The following CSPG4 variants were observed in gnomAD, a reference collection of about 807,000 sequenced individuals.
The protein encoded by CSPG4 is chondroitin sulfate proteoglycan 4.
In CSPG4, 74 loss-of-function variants were observed where a neutral mutation model predicts 139.3. The observed-to-expected ratio is 0.53, with a 90% CI of 0.44 to 0.64. The LOEUF (loss-of-function observed/expected upper bound fraction) is 0.64, where lower values mean the gene tolerates loss of function less well. Among genes scored for constraint, CSPG4 ranks in the 30% least tolerant of loss-of-function variants. The pLI is 0.00. For synonymous variants in CSPG4, 1,234 were observed against 1,394.2 expected, an observed-to-expected ratio of 0.89 and a Z score of 2.56; for missense variants, 2,565 against 3,148.3, an observed-to-expected ratio of 0.81 and a Z score of 4.43.
At chr15:75,682,585 T>G in intron 7 of CSPG4, 22 bp downstream of exon 7, 2 of 1,609,434 alleles carry the variant, frequency 1.2e-6, no homozygotes, top group Admixed American at 1.7e-5. Flanking sequence ...CACCCAGGAA[T>G]GCCCATGATC....
chr15:75,682,627 T>C lies in CSPG4; in HGVS notation c.4763A>G (p.Gln1588Arg), dbSNP rs2141424565. 6.2e-7 allele frequency: 1 copy of C among 1,613,176 alleles called. No individual in the cohort carries two copies. ...KQVLLSLKGSQTLTVCPGSVQ... is the reference protein window; with the variant it reads ...KQVLLSLKGSRTLTVCPGSVQ... Reference sequence around the variant, plus strand: ...CCCACCTGGGCAGACAGTCAGTGTCTGGCTGCCCTTCAGCGAGAGGAGCAC... The same window carrying C: ...CCCACCTGGGCAGACAGTCAGTGTCCGGCTGCCCTTCAGCGAGAGGAGCAC... The change falls in exon 7 of 10, where the codon CAG becomes CGG. Residue 1588 changes from glutamine (Q) to arginine (R), a missense_variant. Coordinates refer to ENST00000308508, the MANE Select transcript of CSPG4 (RefSeq NM_001897.5).
At position 75,687,149 on chromosome 15, in the gene CSPG4, G is replaced by A. The variant is rs1354925996; in HGVS notation, c.3789+127C>T. The A allele has an allele frequency of 5.5e-6, 6 of 1,082,304 alleles. No homozygotes were observed. The South Asian group carries it at 6.8e-5, about 12-fold the overall frequency. The allele number at this position is 1,082,304 out of a possible 1,614,324, so 67.0% of individuals were successfully genotyped here. ...CAACATATACGGGAGCACATCTGAG[G>A]CACGTGCACACATGTAACCTGGAGC... On this transcript the variant is annotated intron_variant, in intron 3 of 9. Transcript: ENST00000308508. The surrounding 1 kb of genome is among the most constrained non-coding windows in gnomAD (Gnocchi z 5.4).
At chr15:75,691,297 CCAAA>C (rs1243192571) in intron 2 of CSPG4, among the ~76,000 whole-genome samples, 1 of 152,202 alleles carries the variant, frequency 6.6e-6, no homozygotes, top group Non-Finnish European at 1.5e-5. Flanking sequence ...TATTCATCCT[CCAAA>C]CACTCACCAA....
chr15:75,677,103 C>G lies in CSPG4; in HGVS notation c.5416G>C (p.Gly1806Arg). 1 of 1,413,196 alleles carries G rather than the reference C, an allele frequency of 7.1e-7. No homozygotes were observed. The highest frequency in any genetic ancestry group is 9.3e-7 in the Non-Finnish European group (1 of 1,079,272). The allele number at this position is 1,413,196 out of a possible 1,614,324, so 87.5% of individuals were successfully genotyped here. Residue 1806 changes from glycine (G) to arginine (R), a missense_variant, in exon 10 of 10, where the codon GGG becomes CGG. Around this residue, in one of 5 missense-constraint regions of CSPG4, gnomAD observed 2,316 missense variants for 2,818.2 expected, o/e 0.82. Transcript: ENST00000308508. The stretch of plus-strand genomic sequence containing the variant: ...CCAGCCACGGAGGCCCCTGCTGGCC[C>G]CTGGAGGTGGGCACGAAAGTGGAAG... ...DGFHFRAHLQ[G>R]PAGASVAGPQ...
Position 75,693,069 on chromosome 15 carries a change from C to G in CSPG4, c.252+1G>C. On this transcript the variant is annotated splice_donor_variant, in intron 2 of 9. Coordinates refer to ENST00000308508, the MANE Select transcript of CSPG4 (RefSeq NM_001897.5). LOFTEE classifies it high-confidence loss of function. ...CCAGATCTCAGGGGGACGTCACTCA[C>G]CTGCAGGCGTCCAGAGTAGAGCTGC... 1.4e-6 allele frequency: 2 copies of G among 1,436,024 alleles called. No homozygotes were observed. The highest frequency in any genetic ancestry group is 9.6e-7 in the Non-Finnish European group (1 of 1,042,120). The allele number at this position is 1,436,024 out of a possible 1,614,324, so 89.0% of individuals were successfully genotyped here.
chr15:75,698,417 T>C lies in CSPG4; in HGVS notation c.89-5184A>G, dbSNP rs1026280074. On this transcript the variant is annotated intron_variant, in intron 1 of 9. Transcript: ENST00000308508. The surrounding 1 kb of genome is among the most constrained non-coding windows in gnomAD (Gnocchi z 4.3). ...TGCTTCCCCAGCAGCGGACCCTCCC[T>C]GAGGTCACCTGGCCCTCTAGACCTC... 6.6e-5 allele frequency among the ~76,000 whole-genome samples: 10 copies of C among 151,940 alleles called. No individual in the cohort carries two copies. The highest frequency in any genetic ancestry group is 2.4e-4 in the African/African-American group (10 of 41,330).
Position 75,675,322 on chromosome 15 carries a change from T to G in CSPG4, c.*228A>C, listed in dbSNP as rs1415995318. The G allele has an allele frequency of 7.2e-6, 3 of 416,000 alleles. No homozygotes were observed. Among genetic ancestry groups the G allele is most frequent in the Non-Finnish European group, 1.2e-5 (3 of 245,108 alleles). 25.8% of individuals were successfully genotyped at this position (416,000 alleles called of 1,614,324 possible). ...ACTGAACTTAAGCCTGCCTCCACCTTGGCCCCTGCAGTTCTCCAGGCTCGG... is the reference window on the plus strand; with the variant it reads ...ACTGAACTTAAGCCTGCCTCCACCTGGGCCCCTGCAGTTCTCCAGGCTCGG... On this transcript the variant is annotated 3_prime_UTR_variant, in exon 10 of 10. Coordinates refer to ENST00000308508, the MANE Select transcript of CSPG4 (RefSeq NM_001897.5).
intron 8 of CSPG4, 100 bp from the exon 9 acceptor site, chr15:75,677,986 GGTGT>G: frequency 8.9e-7 from 1 of 1,119,326 alleles, no homozygotes; most frequent in Non-Finnish European, 1.2e-6. Context: ...GGCTCTCCTG[GGTGT>G]GCCCAGGTCT....
rs1476243532 is a variant in CSPG4, at chr15:75,687,495, C to G, written c.3570G>C (p.Gln1190His). The change falls in exon 3 of 10, where the codon CAG becomes CAC. Residue 1190 changes from glutamine to histidine, a missense_variant. Coordinates refer to ENST00000308508, the MANE Select transcript of CSPG4 (RefSeq NM_001897.5). This position sits in a 1 kb window ranked among gnomAD's most constrained non-coding sequence, Gnocchi z 5.4. ...AGAGAACGGCCCCATCCAGCAGGTC[C>G]TGCTGGGAGAAGGCTGTGGCTGGCT... ...AGQPATAFSQQDLLDGAVLYS... is the reference protein window; with the variant it reads ...AGQPATAFSQHDLLDGAVLYS... 1.9e-6 allele frequency: 3 copies of G among 1,612,466 alleles called. No homozygotes were observed. In the East Asian group the frequency reaches 6.7e-5, roughly 36 times the overall value.
chr15:75,680,485 G>A (rs907465628), intron 8 of CSPG4: 2 of 152,506 alleles, frequency 1.3e-5, no homozygotes, highest in African/African-American at 4.8e-5. Context: ...AAACACGTCT[G>A]TGGGCCAGAT....
chr15:75,681,081 T>G (rs1893967859), intron 8 of CSPG4, among the ~76,000 whole-genome samples: 1 of 152,182 alleles, frequency 6.6e-6, no homozygotes, highest in Non-Finnish European at 1.5e-5. Flanking sequence ...TCCCAGCAAC[T>G]GAGGGTACGC....
Position 75,712,774 on chromosome 15 carries a change from A to G in CSPG4, c.-19T>C. On this transcript the variant is annotated 5_prime_UTR_variant, in exon 1 of 10. Transcript: ENST00000308508. The stretch of plus-strand genomic sequence containing the variant: ...ACTGCATCCCGGCGGGCTGGGCGGC[A>G]GGACTTGCGAGGAGCCAGCGGAGTC... 6.5e-7 allele frequency: 1 copy of G among 1,531,880 alleles called. No individual in the cohort carries two copies. The highest frequency in any genetic ancestry group is 8.8e-7 in the Non-Finnish European group (1 of 1,137,786). The allele number at this position is 1,531,880 out of a possible 1,614,324, so 94.9% of individuals were successfully genotyped here. A position where few individuals can be genotyped will look rare whatever the true frequency, so the allele number is the denominator to read the frequency against.
intron 1 of CSPG4, among the ~76,000 whole-genome samples, chr15:75,708,790 T>G (rs918943067): frequency 3.9e-5 from 6 of 152,156 alleles, no homozygotes; most frequent in South Asian, 2.1e-4. Flanking sequence ...ACTTTGGGAG[T>G]CCCAGGTGGG....
Position 75,675,850 on chromosome 15 carries a change from G to A in CSPG4, c.6669C>T (p.Phe2223=). The change falls in exon 10 of 10, where the codon TTC becomes TTT. Residue 2223 remains phenylalanine (F), a synonymous_variant. Coordinates refer to ENST00000308508, the MANE Select transcript of CSPG4 (RefSeq NM_001897.5). ...GFLSFLEANM[F]SVIIPMCLVL... Reference sequence around the variant, plus strand: ...CCAGGCACATGGGGATGATGACGCTGAACATGTTGGCCTCAAGGAAGCTCA... The same window carrying A: ...CCAGGCACATGGGGATGATGACGCTAAACATGTTGGCCTCAAGGAAGCTCA... The A allele has an allele frequency of 6.2e-7, 1 of 1,610,892 alleles. No individual in the cohort carries two copies. The highest frequency in any genetic ancestry group is 8.5e-7 in the Non-Finnish European group (1 of 1,180,008).
At chr15:75,684,619 C>A (rs1566972962) in intron 5 of CSPG4, 117 bp downstream of exon 5, 1 of 933,006 alleles carries the variant, frequency 1.1e-6, no homozygotes, top group East Asian at 2.7e-5. Context: ...GGCAGCGTCC[C>A]CATTTTGCAG....
At chr15:75,678,039 G>T (rs1177046199) in intron 8 of CSPG4, among the ~76,000 whole-genome samples, 153 bp from the exon 9 acceptor site, 3 of 152,174 alleles carry the variant, frequency 2.0e-5, no homozygotes, top group African/African-American at 7.2e-5. Flanking sequence ...AACTCACTGG[G>T]TCACATCAGG....
intron 5 of CSPG4, 127 bp downstream of exon 5, chr15:75,684,608 TG>T: frequency 1.2e-6 from 1 of 819,102 alleles, no homozygotes; most frequent in Non-Finnish European, 1.9e-6. Context: ...GTGAGGCATG[TG>T]GCAGCGTCCC....
At position 75,684,916 on chromosome 15, in the gene CSPG4, G is replaced by A; in HGVS notation, c.4273-4C>T. Reference sequence around the variant, plus strand: ...AGCGGATCAGCTGCTCTTCCACCTAGGGGCAGGCCCAGGGCTGGCAGTCAG... The same window carrying A: ...AGCGGATCAGCTGCTCTTCCACCTAAGGGCAGGCCCAGGGCTGGCAGTCAG... On this transcript the variant is annotated splice_polypyrimidine_tract_variant and splice_region_variant and intron_variant, in intron 4 of 9. Transcript: ENST00000308508. The A allele has an allele frequency of 6.2e-7, 1 of 1,606,012 alleles. No individual in the cohort carries two copies. Among genetic ancestry groups the A allele is most frequent in the Non-Finnish European group, 8.5e-7 (1 of 1,173,800 alleles).
chr15:75,689,554 G>T lies in CSPG4; in HGVS notation c.1511C>A (p.Ala504Asp). 6.2e-7 allele frequency: 1 copy of T among 1,612,766 alleles called. No homozygotes were observed. Among genetic ancestry groups the T allele is most frequent in the Non-Finnish European group, 8.5e-7 (1 of 1,179,826 alleles). ...CTCAGAGCCATCGTGGATGAAGCGG[G>T]CCTTGCGGTTCACCACGTCCAGGAG... ...FTLLDVVNRK[A>D]RFIHDGSEDT... Residue 504 changes from alanine to aspartate, a missense_variant, in exon 3 of 10, where the codon GCC becomes GAC. Coordinates refer to ENST00000308508, the MANE Select transcript of CSPG4 (RefSeq NM_001897.5).
Sources: gnomAD v4.1 joint callset for allele counts (sites outside exome capture counted in the v4.1 genomes callset) on GRCh38, gnomAD v4.1.1 for gene constraint, gnomAD v4.1.1 regional missense constraint, Gnocchi (gnomAD v3.1) non-coding constraint, MANE v1.5 for transcripts, NCBI Gene and HGNC (gene_info 2026-07-23, HGNC 2026-07-21) for gene names.